The following TMEM135 variants were observed in gnomAD, a reference collection of about 807,000 sequenced individuals.
TMEM135 encodes transmembrane protein 135.
A neutral mutation model predicts 60.3 loss-of-function variants in TMEM135; 30 were observed. That is an observed-to-expected ratio of 0.50 (90% CI 0.37 to 0.68). The LOEUF is 0.68. TMEM135 is among the 30% of genes least tolerant of loss of function. The pLI is 0.00. For missense variants in TMEM135, 468 were observed against 548.8 expected, an observed-to-expected ratio of 0.85 and a Z score of 1.47; for synonymous variants, 190 against 186.7, an observed-to-expected ratio of 1.02 and a Z score of -0.14.
At chr11:87,168,085 G>C (rs1467317479) in intron 5 of TMEM135, among the ~76,000 whole-genome samples, 1 of 152,132 alleles carries the variant, frequency 6.6e-6, no homozygotes, top group Non-Finnish European at 1.5e-5. Flanking sequence ...AGATTTTCTA[G>C]TTTATTTGCA....
At chr11:87,080,062 G>A (rs1425758478) in intron 3 of TMEM135, among the ~76,000 whole-genome samples, 3 of 151,078 alleles carry the variant, frequency 2.0e-5, no homozygotes, top group East Asian at 3.9e-4. Context: ...GGCTGGTCTC[G>A]AACTCCTGAC....
chr11:87,317,322 G>T (rs1942749834), intron 12 of TMEM135, among the ~76,000 whole-genome samples: 1 of 152,006 alleles, frequency 6.6e-6, no homozygotes, highest in African/African-American at 2.4e-5. Context: ...ACAGCACAAT[G>T]TATCTCTATC....
chr11:87,086,008 A>G (rs1857087617), intron 3 of TMEM135, among the ~76,000 whole-genome samples: 1 of 152,150 alleles, frequency 6.6e-6, no homozygotes, highest in African/African-American at 2.4e-5. Flanking sequence ...ATTTCATAAT[A>G]TTGATTATAC....
rs1297138896 is a variant in TMEM135 at position 87,073,903 on chromosome 11, G to A, written c.362+2288G>A. Among the ~76,000 whole-genome samples the A allele has an allele frequency of 2.6e-5, 4 of 152,022 alleles. No homozygotes were observed. In the East Asian group the frequency reaches 7.8e-4, roughly 30 times the overall value. On this transcript the variant is annotated intron_variant, in intron 3 of 14. Coordinates refer to ENST00000305494, the MANE Select transcript of TMEM135 (RefSeq NM_022918.4). ...GGTTGGTCTCAAACTCCCATCCTCAGGAGATCCACCAGCTTCGGCCTTCCA... is the reference window on the plus strand; with the variant it reads ...GGTTGGTCTCAAACTCCCATCCTCAAGAGATCCACCAGCTTCGGCCTTCCA...
At position 87,038,129 on chromosome 11, in the gene TMEM135, G is replaced by A. The variant is rs764773551; in HGVS notation, c.84G>A (p.Leu28=). ...TWHPSCRVSF[L]QITGGALEES... ...ACCCTTCCTGCCGGGTCTCCTTCCTGCAGATCACCGGGGGCGCCCTGGAGG... is the reference window on the plus strand; with the variant it reads ...ACCCTTCCTGCCGGGTCTCCTTCCTACAGATCACCGGGGGCGCCCTGGAGG... Residue 28 remains leucine, a synonymous_variant, in exon 1 of 15, where the codon CTG becomes CTA. Coordinates refer to ENST00000305494, the MANE Select transcript of TMEM135 (RefSeq NM_022918.4). The A allele has an allele frequency of 2.4e-5, 38 of 1,614,034 alleles. No homozygotes were observed. In the South Asian group the frequency reaches 3.4e-4, roughly 14 times the overall value.
At chr11:87,092,383 G>C (rs898780962) in intron 4 of TMEM135, among the ~76,000 whole-genome samples, 3 of 152,154 alleles carry the variant, frequency 2.0e-5, no homozygotes, top group Non-Finnish European at 2.9e-5. Flanking sequence ...TTGAGTCATA[G>C]ACCTCTTTGA....
chr11:87,118,630 A>C (rs536257278), intron 4 of TMEM135, among the ~76,000 whole-genome samples: 2 of 152,040 alleles, frequency 1.3e-5, no homozygotes, highest in East Asian at 3.9e-4. Flanking sequence ...TTGTATTTTT[A>C]GTACAGATGG....
intron 6 of TMEM135, among the ~76,000 whole-genome samples, chr11:87,253,373 C>T (rs666043): frequency 0.66 from 99,960 of 151,540 alleles, 33,469 homozygotes; most frequent in Non-Finnish European, 0.71. Context: ...GGCCAGTTGC[C>T]TTTCAGACAC....
chr11:87,064,939 C>A (rs979740814), intron 1 of TMEM135, among the ~76,000 whole-genome samples: 2 of 151,182 alleles, frequency 1.3e-5, no homozygotes, highest in African/African-American at 2.4e-5. Flanking sequence ...CAGTATGTAG[C>A]TTTAGGATTA....
chr11:87,241,025 C>A (rs537184218), intron 6 of TMEM135, among the ~76,000 whole-genome samples: 1 of 126,952 alleles, frequency 7.9e-6, no homozygotes, highest in African/African-American at 3.0e-5. Context: ...TATTGTTATA[C>A]TTTAAACTTT....
Position 87,322,560 on chromosome 11 carries a change from T to C in TMEM135, c.*1227T>C. 1 of 454,022 alleles carries C rather than the reference T, an allele frequency of 2.2e-6. No homozygotes were observed. The allele number at this position is 454,022 out of a possible 1,614,324, so 28.1% of individuals were successfully genotyped here. ...CTATGTTAATAAAGAGCTGAAGTGG[T>C]CTACAGTTAATGTGACATGTAGGGA... On this transcript the variant is annotated 3_prime_UTR_variant, in exon 15 of 15. Transcript: ENST00000305494.
intron 5 of TMEM135, among the ~76,000 whole-genome samples, chr11:87,192,925 G>A (rs1322940763): frequency 6.6e-6 from 1 of 152,076 alleles, no homozygotes; most frequent in African/African-American, 2.4e-5. Context: ...GGCCAGCCTG[G>A]CCAACATGGG....
intron 5 of TMEM135, among the ~76,000 whole-genome samples, chr11:87,178,163 C>T (rs1456140767): frequency 2.0e-5 from 3 of 152,096 alleles, no homozygotes; most frequent in Non-Finnish European, 4.4e-5. Context: ...TGCTGTTGGC[C>T]TAGAGTTCCA....
At chr11:87,054,617 A>G (rs1022005686) in intron 1 of TMEM135, among the ~76,000 whole-genome samples, 1 of 152,136 alleles carries the variant, frequency 6.6e-6, no homozygotes, top group African/African-American at 2.4e-5. Context: ...CCTTTGACTC[A>G]TTAGATTTGT....
intron 4 of TMEM135, among the ~76,000 whole-genome samples, chr11:87,152,893 C>T (rs1938592306): frequency 6.6e-6 from 1 of 152,080 alleles, no homozygotes; most frequent in Non-Finnish European, 1.5e-5. Flanking sequence ...CTGATGACAC[C>T]AAAATGATAT....
At chr11:87,283,525 A>G (rs534866528) in intron 6 of TMEM135, among the ~76,000 whole-genome samples, 87 of 152,322 alleles carry the variant, frequency 5.7e-4, no homozygotes, top group African/African-American at 2.0e-3. Context: ...ACAGATTGCT[A>G]TATTATTTTA....
At position 87,146,004 on chromosome 11, in the gene TMEM135, A is replaced by C. The variant is rs75011962; in HGVS notation, c.397-11337A>C. Among the ~76,000 whole-genome samples the C allele has an allele frequency of 2.6e-5, 4 of 152,308 alleles. No individual in the cohort carries two copies. In the East Asian group the frequency reaches 7.7e-4, roughly 29 times the overall value. ...GATCAAATTCAAAAAGTCATTGCCC[A>C]GACCAATGTTGTTTAGTCTTTATCC... On this transcript the variant is annotated intron_variant, in intron 4 of 14. Transcript: ENST00000305494.
At chr11:87,235,011 A>C (rs1437598810) in intron 5 of TMEM135, among the ~76,000 whole-genome samples, 8 of 151,916 alleles carry the variant, frequency 5.3e-5, no homozygotes, top group Admixed American at 4.6e-4. Flanking sequence ...GAAAAGTCTG[A>C]AGCATTGAAC....
chr11:87,135,368 A>G (rs1237465919), intron 4 of TMEM135, among the ~76,000 whole-genome samples: 1 of 151,910 alleles, frequency 6.6e-6, no homozygotes, highest in Non-Finnish European at 1.5e-5. Flanking sequence ...TTTACGTTTA[A>G]CTCTATGATA....
Sources: allele counts gnomAD v4.1 joint callset (sites outside exome capture counted in the v4.1 genomes callset), GRCh38; gene constraint gnomAD v4.1.1; transcripts MANE v1.5; gene names NCBI Gene and HGNC (gene_info 2026-07-23, HGNC 2026-07-21).